Variants in MGAT4D observed in about 807,000 individuals in gnomAD.
The protein encoded by MGAT4D is alpha-1,3-mannosyl-glycoprotein 4-beta-N-acetylglucosaminyltransferase-like protein MGAT4D.
Under a neutral mutation model 15.9 loss-of-function variants are expected in MGAT4D, and 34 were observed. That is an observed-to-expected ratio of 2.14 (90% confidence interval 1.62 to 2.84). The LOEUF is 2.84. Ranked by LOEUF, MGAT4D falls within the 30% of genes most tolerant of loss-of-function variation. The pLI, the probability that MGAT4D is intolerant of heterozygous loss-of-function variation, is 0.00. For synonymous variants in MGAT4D, 112 were observed against 48.2 expected (o/e 2.33, Z -5.49); for missense variants, 327 against 140.2 (o/e 2.33, Z -6.73).
At chr4:140,479,685 G>A (rs975498779) in intron 2 of MGAT4D, 58 bp from the exon 3 acceptor site, 13 of 373,298 alleles carry the variant, frequency 3.5e-5, no homozygotes, top group African/African-American at 2.7e-4. Flanking sequence ...TCTCCCCCTG[G>A]AATAATTTTT....
intron 9 of MGAT4D, among the ~76,000 whole-genome samples, chr4:140,452,151 T>G (rs567552751): frequency 6.6e-6 from 1 of 152,100 alleles, no homozygotes; most frequent in African/African-American, 2.4e-5. Flanking sequence ...TTGGGCAATA[T>G]AGTGAGACTC....
intron 1 of MGAT4D, among the ~76,000 whole-genome samples, chr4:140,495,605 A>C (rs1439796715): frequency 1.3e-5 from 2 of 152,228 alleles, no homozygotes; most frequent in Non-Finnish European, 2.9e-5. Context: ...TAAAAACAGG[A>C]AGTATGTTCT....
intron 1 of MGAT4D, 127 bp from the exon 2 acceptor site, chr4:140,482,612 G>A: frequency 2.3e-6 from 1 of 439,130 alleles, no homozygotes; most frequent in African/African-American, 2.0e-5. Flanking sequence ...TGTATTATAT[G>A]TGTATATATA....
At chr4:140,463,962 A>G (rs145607310) in intron 6 of MGAT4D, among the ~76,000 whole-genome samples, 130 of 152,298 alleles carry the variant, frequency 8.5e-4, no homozygotes, top group Non-Finnish European at 1.7e-3. Flanking sequence ...GAAGGCCTGA[A>G]CTAAATCCAA....
intron 5 of MGAT4D, among the ~76,000 whole-genome samples, chr4:140,467,562 T>C (rs1016262423): frequency 1.5e-4 from 23 of 152,140 alleles, no homozygotes; most frequent in Non-Finnish European, 1.5e-5. Flanking sequence ...CAGTCTTGGT[T>C]TTATTCAATC....
intron 10 of MGAT4D, among the ~76,000 whole-genome samples, chr4:140,447,124 C>T (rs183970061): frequency 1.4e-4 from 21 of 151,890 alleles, no homozygotes; most frequent in African/African-American, 4.3e-4. Flanking sequence ...TGTTTTATGT[C>T]CAATTTTGTG....
At chr4:140,486,068 G>T (rs56327622) in intron 1 of MGAT4D, among the ~76,000 whole-genome samples, 13,111 of 151,644 alleles carry the variant, frequency 0.086, 569 homozygotes, top group South Asian at 0.11. Context: ...TTCCTCCCTG[G>T]TCTCATTTCC....
Position 140,442,435 on chromosome 4 carries a change from C to A in MGAT4D, c.*1001G>T, listed in dbSNP as rs1397399716. On this transcript the variant is annotated 3_prime_UTR_variant, in exon 11 of 11. Coordinates refer to ENST00000511113, the MANE Select transcript of MGAT4D (RefSeq NM_001277353.2). The stretch of plus-strand genomic sequence containing the variant: ...TTATTATTGCTCAAAATAAGTAATA[C>A]CTTACAGAATAACATCAAGAAGAAA... 6.6e-6 allele frequency: 1 copy of A among 151,834 alleles called. No individual in the cohort carries two copies. The highest frequency in any genetic ancestry group is 2.4e-5 in the African/African-American group (1 of 41,326). 9.4% of individuals were successfully genotyped at this position (151,834 alleles called of 1,614,324 possible).
At chr4:140,487,288 T>C (rs1330437519) in intron 1 of MGAT4D, among the ~76,000 whole-genome samples, 1 of 152,218 alleles carries the variant, frequency 6.6e-6, no homozygotes, top group African/African-American at 2.4e-5. Flanking sequence ...TGGGCATCTC[T>C]GTAGTGAAAT....
chr4:140,485,482 C>T (rs1023284674), intron 1 of MGAT4D, among the ~76,000 whole-genome samples: 2 of 151,826 alleles, frequency 1.3e-5, no homozygotes, highest in African/African-American at 4.8e-5. Context: ...AGCATACCAG[C>T]ATGGCACATG....
intron 1 of MGAT4D, among the ~76,000 whole-genome samples, chr4:140,488,973 A>C (rs1024730194): frequency 1.3e-5 from 2 of 152,134 alleles, no homozygotes; most frequent in Non-Finnish European, 2.9e-5. Context: ...TGTCAGCACC[A>C]TGTTTGTAGG....
rs1408020761 is a variant in MGAT4D at position 140,442,311 on chromosome 4, T to A, written c.*1125A>T. The A allele has an allele frequency of 6.6e-6, 1 of 152,176 alleles. No homozygotes were observed. Among genetic ancestry groups the A allele is most frequent in the Non-Finnish European group, 1.5e-5 (1 of 68,008 alleles). The allele number at this position is 152,176 out of a possible 1,614,324, so 9.4% of individuals were successfully genotyped here. A position where few individuals can be genotyped will look rare whatever the true frequency, so the allele number is the denominator to read the frequency against. ...AATTGGTATTTGATACAGTTCATAC[T>A]GAGGCGAATGTGTGAGATCTTGGCA... On this transcript the variant is annotated 3_prime_UTR_variant, in exon 11 of 11. Coordinates refer to ENST00000511113, the MANE Select transcript of MGAT4D (RefSeq NM_001277353.2).
chr4:140,445,344 G>A (rs1410196661), intron 10 of MGAT4D, among the ~76,000 whole-genome samples: 1 of 152,014 alleles, frequency 6.6e-6, no homozygotes, highest in Non-Finnish European at 1.5e-5. Flanking sequence ...AAAAGCATCT[G>A]TTTGTGTCCT....
intron 3 of MGAT4D, among the ~76,000 whole-genome samples, chr4:140,478,949 G>A (rs1238172371): frequency 6.6e-6 from 1 of 152,116 alleles, no homozygotes; most frequent in Non-Finnish European, 1.5e-5. Flanking sequence ...CAATGGGCCT[G>A]GCCTAGAGTG....
At chr4:140,490,312 A>G (rs1733419349) in intron 1 of MGAT4D, among the ~76,000 whole-genome samples, 1 of 152,168 alleles carries the variant, frequency 6.6e-6, no homozygotes, top group African/African-American at 2.4e-5. Flanking sequence ...CAAAATTGCA[A>G]TTCATATAGC....
intron 1 of MGAT4D, among the ~76,000 whole-genome samples, chr4:140,492,749 A>G (rs1428393032): frequency 6.6e-6 from 1 of 152,226 alleles, no homozygotes; most frequent in Non-Finnish European, 1.5e-5. Flanking sequence ...GGGAAAGGAA[A>G]AGAAAGTTTC....
chr4:140,491,165 C>T (rs1389342952), intron 1 of MGAT4D, among the ~76,000 whole-genome samples: 1 of 152,106 alleles, frequency 6.6e-6, no homozygotes, highest in Non-Finnish European at 1.5e-5. Flanking sequence ...TTGAATAACC[C>T]ACATTTGGAC....
At chr4:140,446,100 T>C (rs915203516) in intron 10 of MGAT4D, among the ~76,000 whole-genome samples, 3 of 127,352 alleles carry the variant, frequency 2.4e-5, no homozygotes, top group Admixed American at 8.6e-5. Context: ...TGCATTGATG[T>C]TCATTGAGGA....
chr4:140,471,812 C>T lies in MGAT4D; in HGVS notation c.535G>A (p.Asp179Asn), dbSNP rs1296117644. ...ATTTTAACAACAGAATGTAAATAAT[C>T]TTCATTACTCTAAAAATGAGAAAAA... ...VIVLVADSNE[D>N]YLHSVVKMIT... The change falls in exon 5 of 11, where the codon GAT (aspartate) becomes AAT (asparagine). Residue 179 changes from aspartate (D) to asparagine (N), a missense_variant. Transcript: ENST00000511113. The T allele has an allele frequency of 1.0e-5, 5 of 485,802 alleles. No homozygotes were observed. The highest frequency in any genetic ancestry group is 9.8e-5 in the African/African-American group (5 of 50,876). The allele number at this position is 485,802 out of a possible 1,614,324, so 30.1% of individuals were successfully genotyped here.
Sources: gnomAD v4.1 joint callset for allele counts (sites outside exome capture counted in the v4.1 genomes callset) on GRCh38, gnomAD v4.1.1 for gene constraint, MANE v1.5 for transcripts, NCBI Gene and HGNC (gene_info 2026-07-23, HGNC 2026-07-21) for gene names.